The following TMED3 variants were observed in gnomAD, a reference collection of about 807,000 sequenced individuals.
TMED3 encodes the protein transmembrane p24 trafficking protein 3.
A neutral mutation model predicts 15.0 loss-of-function variants in TMED3; 9 were observed. The ratio of observed to expected loss-of-function variants is 0.60; its 90% CI spans 0.36 to 1.04. The LOEUF (loss-of-function observed/expected upper bound fraction) is 1.04. Among genes scored for constraint, TMED3 ranks in the 50% least tolerant of loss-of-function variants. The pLI, the probability that TMED3 is intolerant of heterozygous loss-of-function variation, is 0.01. For synonymous variants in TMED3, 117 were observed against 121.4 expected (o/e 0.96, Z 0.24); for missense variants, 267 against 278.9 (o/e 0.96, Z 0.30).
chr15:79,329,126 G>T (rs565244648), intron 2 of TMED3, among the ~76,000 whole-genome samples: 1 of 152,204 alleles, frequency 6.6e-6, no homozygotes, highest in Non-Finnish European at 1.5e-5. Flanking sequence ...GAATGAAGTT[G>T]TCAAGTATTA....
Position 79,311,159 on chromosome 15 carries a change from ATCC to A in TMED3, c.-86_-84del. The A allele has an allele frequency of 7.1e-7, 1 of 1,401,744 alleles. No homozygotes were observed. 86.8% of individuals were successfully genotyped at this position (1,401,744 alleles called of 1,614,324 possible). Reference sequence around the variant, plus strand: ...GCTGGTGCCACGTCTATCCCCTTACATCCTCCTAGGACCCGGTCGGTAGTCGTC... The same window carrying A: ...GCTGGTGCCACGTCTATCCCCTTACATCCTAGGACCCGGTCGGTAGTCGTC... On this transcript the variant is annotated 5_prime_UTR_variant, in exon 1 of 3. Coordinates refer to ENST00000299705, the MANE Select transcript of TMED3 (RefSeq NM_007364.4).
At position 79,322,520 on chromosome 15, in the gene TMED3, G is replaced by T. The variant is rs1439568737; in HGVS notation, c.*306G>T. On this transcript the variant is annotated 3_prime_UTR_variant, in exon 3 of 3. Transcript: ENST00000299705. ...GGTTCAGTGGCCTGGCTGTTGGCAG[G>T]AACTCCAAGTGCCCAGGCCTCTTGG... The T allele has an allele frequency of 5.0e-6, 6 of 1,194,664 alleles. No homozygotes were observed. The Admixed American group carries it at 2.1e-4, about 42-fold the overall frequency. The allele number at this position is 1,194,664 out of a possible 1,614,324, so 74.0% of individuals were successfully genotyped here.
At chr15:79,349,624 T>G (rs1221598638) in intron 2 of TMED3, among the ~76,000 whole-genome samples, 2 of 152,182 alleles carry the variant, frequency 1.3e-5, no homozygotes, top group African/African-American at 4.8e-5. Flanking sequence ...TCAGAATGCT[T>G]CTTCTGGGCA....
rs184213300 is a variant in TMED3 at position 79,342,728 on chromosome 15, A to C, written c.417+28723A>C. ...ATATCACAAAAGATTAGTCATCTTA[A>C]TTAATTAAGTAGTTAATAACCATTT... is the stretch of plus-strand genomic sequence containing the variant. On this transcript the variant is annotated intron_variant, in intron 2 of 2. Coordinates refer to the TMED3 transcript ENST00000424155. Among the ~76,000 whole-genome samples, 157 of 152,360 alleles carry C rather than the reference A, an allele frequency of 1.0e-3. 4 individuals carry two copies. The highest frequency in any genetic ancestry group is 1.0e-3 in the Non-Finnish European group (68 of 68,034).
rs531893625 is a variant in TMED3, at chr15:79,387,484, C to T, written c.418-23916C>T. ...AGTGTTGACATTTTGTGGGACAAGT[C>T]CTCTCACTTTGTCACTTTCATGGGT... is the stretch of plus-strand genomic sequence containing the variant. On this transcript the variant is annotated intron_variant, in intron 2 of 2. Transcript: ENST00000424155. 1.1e-4 allele frequency among the ~76,000 whole-genome samples: 17 copies of T among 152,112 alleles called. No homozygotes were observed. In the South Asian group the frequency reaches 3.5e-3, roughly 32 times the overall value.
rs778270778 is a variant in TMED3, at chr15:79,311,356, A to T, written c.107A>T (p.Asn36Ile). 6.2e-7 allele frequency: 1 copy of T among 1,611,968 alleles called. No homozygotes were observed. Among genetic ancestry groups the T allele is most frequent in the African/African-American group, 1.3e-5 (1 of 74,850 alleles). The part of the protein sequence containing the change: ...GAELTFELPD[N>I]AKQCFHEEVE... ...GAGCTCACCTTCGAGCTGCCGGACA[A>T]CGCCAAGCAGTGCTTCCACGAGGAG... The change falls in exon 1 of 3, where the codon AAC becomes ATC. Residue 36 changes from asparagine to isoleucine, a missense_variant. Physicochemically the swap from Asn to Ile is moderately radical, Grantham distance 149. Around this residue, in one of 3 missense-constraint regions of TMED3, gnomAD observed 59 missense variants for 47.0 expected, o/e 1.26. Transcript: ENST00000299705.
chr15:79,380,592 T>TAGAG (rs1274913843), intron 2 of TMED3, among the ~76,000 whole-genome samples: 14 of 141,698 alleles, frequency 9.9e-5, no homozygotes, highest in African/African-American at 3.0e-4. Context: ...TATATATATA[T>TAGAG]ATATATATAG....
rs1423630643 is a variant in TMED3, at chr15:79,371,576, T to C, written c.418-39824T>C. On this transcript the variant is annotated intron_variant, in intron 2 of 2. Transcript: ENST00000424155. ...AGAGGCTAGAGTTTTTAAGGATACT[T>C]TGGTGGGCAGGGGGTTAGGGAACTG... Among the ~76,000 whole-genome samples the C allele has an allele frequency of 2.0e-5, 3 of 152,218 alleles. No homozygotes were observed. In the East Asian group the frequency reaches 5.8e-4, roughly 29 times the overall value.
At chr15:79,314,749 C>A (rs1341647627) in intron 2 of TMED3, 1 of 280,810 alleles carries the variant, frequency 3.6e-6, no homozygotes, top group Non-Finnish European at 7.4e-6. Flanking sequence ...GAAACGGTGA[C>A]ATTTTGGGGG....
At chr15:79,363,970 G>A (rs1169938362) in intron 2 of TMED3, among the ~76,000 whole-genome samples, 1 of 152,174 alleles carries the variant, frequency 6.6e-6, no homozygotes, top group Non-Finnish European at 1.5e-5. Context: ...ACAGCCAAAG[G>A]CATAAATCAA....
rs73475514 is a variant in TMED3, at chr15:79,381,190, G to C, written c.418-30210G>C. ...CTCACTGGTATAGAGTCCCATGCAA[G>C]GCGATTGCTACCACCAGGTGGCAGC... On this transcript the variant is annotated intron_variant, in intron 2 of 2. Transcript: ENST00000424155. 1.4e-3 allele frequency among the ~76,000 whole-genome samples: 209 copies of C among 152,224 alleles called. 1 individual carries two copies. The highest frequency in any genetic ancestry group is 5.0e-3 in the African/African-American group (207 of 41,522).
At chr15:79,356,345 C>T (rs1414638055) in intron 2 of TMED3, among the ~76,000 whole-genome samples, 1 of 152,114 alleles carries the variant, frequency 6.6e-6, no homozygotes, top group African/African-American at 2.4e-5. Context: ...GTGCTGTATC[C>T]TCAGAGTTTA....
chr15:79,378,491 A>T (rs1246936331), intron 2 of TMED3, among the ~76,000 whole-genome samples: 1 of 152,188 alleles, frequency 6.6e-6, no homozygotes, highest in African/African-American at 2.4e-5. Flanking sequence ...GAGAAGGAAG[A>T]GGATTGTATA....
At chr15:79,337,290 T>C (rs1351609317) in intron 2 of TMED3, among the ~76,000 whole-genome samples, 1 of 152,226 alleles carries the variant, frequency 6.6e-6, no homozygotes, top group African/African-American at 2.4e-5. Context: ...TGCATGTCTG[T>C]GTCCTAATTT....
At chr15:79,396,643 G>T (rs1893766784) in intron 2 of TMED3, among the ~76,000 whole-genome samples, 1 of 152,162 alleles carries the variant, frequency 6.6e-6, no homozygotes, top group East Asian at 1.9e-4. Context: ...AAGTCACATA[G>T]CACCTCTTCC....
At chr15:79,338,522 C>T (rs578025936) in intron 2 of TMED3, among the ~76,000 whole-genome samples, 121 of 152,124 alleles carry the variant, frequency 8.0e-4, no homozygotes, top group African/African-American at 1.1e-3. Flanking sequence ...GGCAAGAGAC[C>T]GAGGACACGA....
chr15:79,364,877 G>A (rs1893199928), intron 2 of TMED3, among the ~76,000 whole-genome samples: 1 of 152,180 alleles, frequency 6.6e-6, no homozygotes, highest in African/African-American at 2.4e-5. Context: ...TGTGTGACTT[G>A]ATTCTTCCAG....
chr15:79,366,132 G>A (rs76103969), intron 2 of TMED3, among the ~76,000 whole-genome samples: 3 of 152,204 alleles, frequency 2.0e-5, no homozygotes, highest in Non-Finnish European at 2.9e-5. Flanking sequence ...GGGCCCTCCT[G>A]TGTAGGTAAT....
At position 79,352,717 on chromosome 15, in the gene TMED3, A is replaced by G. The variant is rs140126965; in HGVS notation, c.417+38712A>G. 1.0e-3 allele frequency among the ~76,000 whole-genome samples: 151 copies of G among 144,120 alleles called. 1 individual carries two copies. The East Asian group carries it at 0.027, about 26-fold the overall frequency. The allele number at this position is 144,120 out of a possible 152,430, so 94.5% of individuals were successfully genotyped here. On this transcript the variant is annotated intron_variant, in intron 2 of 2. Coordinates refer to the TMED3 transcript ENST00000424155. ...CTGAATATATATATATATTTCACCC[A>G]ACCTTTTATGGTACTCTTGCTAGTT...
Sources: gnomAD v4.1 joint callset for allele counts (sites outside exome capture counted in the v4.1 genomes callset) on GRCh38, gnomAD v4.1.1 for gene constraint, gnomAD v4.1.1 regional missense constraint, MANE v1.5 for transcripts, NCBI Gene and HGNC (gene_info 2026-07-23, HGNC 2026-07-21) for gene names.